DCDC2C: variants seen among roughly 807,000 people sequenced by gnomAD.
DCDC2C encodes doublecortin domain containing 2C.
A neutral mutation model predicts 45.0 loss-of-function variants in DCDC2C; 44 were observed. That is an observed-to-expected ratio of 0.98 (90% CI 0.77 to 1.26). The LOEUF (loss-of-function observed/expected upper bound fraction) is 1.26. DCDC2C is among the 50% of genes most tolerant of loss of function. DCDC2C has a pLI of 0.00. For synonymous variants in DCDC2C, 187 were observed against 178.8 expected, an observed-to-expected ratio of 1.05 and a Z score of -0.37; for missense variants, 447 against 468.9, an observed-to-expected ratio of 0.95 and a Z score of 0.43.
intron 6 of DCDC2C, among the ~76,000 whole-genome samples, chr2:3,756,493 T>A (rs576512002): frequency 6.6e-6 from 1 of 152,300 alleles, no homozygotes; most frequent in Admixed American, 6.5e-5. Flanking sequence ...GCCATTTTAA[T>A]CACTCCCTGC....
intron 10 of DCDC2C, among the ~76,000 whole-genome samples, chr2:3,808,723 C>T (rs1671318988): frequency 6.6e-6 from 1 of 152,202 alleles, no homozygotes; most frequent in African/African-American, 2.4e-5. Flanking sequence ...ATTCTCTTAA[C>T]ATTGTATTTG....
chr2:3,802,254 C>T (rs142348431), intron 10 of DCDC2C, among the ~76,000 whole-genome samples: 239 of 152,344 alleles, frequency 1.6e-3, no homozygotes, highest in Middle Eastern at 3.4e-3. Context: ...TGTCCTTCAA[C>T]GCCTTCTGGC....
chr2:3,847,901 C>G lies in DCDC2C; in HGVS notation c.*718C>G, dbSNP rs1423157324. Among the ~76,000 whole-genome samples the G allele has an allele frequency of 6.6e-6, 1 of 152,116 alleles. No homozygotes were observed. The highest frequency in any genetic ancestry group is 1.5e-5 in the Non-Finnish European group (1 of 68,038). ...CCATGTGAAAAAGATTCTTGCTTCCCCTTCGCCCTTCTGCTATGATTGTAA... is the reference window on the plus strand; with the variant it reads ...CCATGTGAAAAAGATTCTTGCTTCCGCTTCGCCCTTCTGCTATGATTGTAA... On this transcript the variant is annotated 3_prime_UTR_variant, in exon 11 of 11. Coordinates refer to ENST00000399143, the MANE Select transcript of DCDC2C (RefSeq NM_001287444.2).
chr2:3,705,098 C>G (rs1053692845), intron 1 of DCDC2C, among the ~76,000 whole-genome samples: 1 of 152,146 alleles, frequency 6.6e-6, no homozygotes, highest in Non-Finnish European at 1.5e-5. Context: ...GCTCTCCGTT[C>G]AAAAATGCTC....
Position 3,703,650 on chromosome 2 carries a change from C to T in DCDC2C, c.-102C>T. 1 of 1,118,630 alleles carries T rather than the reference C, an allele frequency of 8.9e-7. No individual in the cohort carries two copies. Among genetic ancestry groups the T allele is most frequent in the Non-Finnish European group, 1.1e-6 (1 of 891,566 alleles). 69.3% of individuals were successfully genotyped at this position (1,118,630 alleles called of 1,614,324 possible). A position where few individuals can be genotyped will look rare whatever the true frequency, so the allele number is the denominator to read the frequency against. On this transcript the variant is annotated 5_prime_UTR_variant, in exon 1 of 11. Transcript: ENST00000399143. The surrounding 1 kb of genome is among the most constrained non-coding windows in gnomAD (Gnocchi z 4.4). ...GTCCTGCGCCAGCGGCTGGAGCGGA[C>T]CTCCCGTCGGCGGTGCCCGGGCCTG...
intron 10 of DCDC2C, among the ~76,000 whole-genome samples, chr2:3,813,069 T>TA (rs1558238816): frequency 0.036 from 1,949 of 54,360 alleles, 13 homozygotes; most frequent in Middle Eastern, 0.056. Flanking sequence ...ATATATATAT[T>TA]TTTTTTTTTT....
intron 10 of DCDC2C, among the ~76,000 whole-genome samples, chr2:3,810,217 A>G (rs1204877649): frequency 6.6e-6 from 1 of 152,232 alleles, no homozygotes; most frequent in Non-Finnish European, 1.5e-5. Flanking sequence ...CCAACAGTGT[A>G]AAAGCATTCT....
At chr2:3,843,573 G>A (rs1672263509) in intron 10 of DCDC2C, among the ~76,000 whole-genome samples, 1 of 152,212 alleles carries the variant, frequency 6.6e-6, no homozygotes, top group East Asian at 1.9e-4. Flanking sequence ...ATCAGGAAAT[G>A]TAGTTTGGCC....
chr2:3,723,476 C>G (rs1223287051), intron 2 of DCDC2C, among the ~76,000 whole-genome samples: 1 of 152,190 alleles, frequency 6.6e-6, no homozygotes, highest in Non-Finnish European at 1.5e-5. Flanking sequence ...GTTTCAGGAA[C>G]TGCAAGAATG....
At chr2:3,707,531 G>A (rs1010754943) in intron 1 of DCDC2C, among the ~76,000 whole-genome samples, 1 of 152,218 alleles carries the variant, frequency 6.6e-6, no homozygotes, top group African/African-American at 2.4e-5. Context: ...TCAAAGATTT[G>A]AGTTGGCTGC....
At chr2:3,830,735 G>A (rs573657984) in intron 10 of DCDC2C, among the ~76,000 whole-genome samples, 5 of 152,168 alleles carry the variant, frequency 3.3e-5, no homozygotes, top group Non-Finnish European at 7.4e-5. Context: ...CTTGACTCAC[G>A]GTGGGTGGTT....
At chr2:3,745,116 C>CTCCAGAGG (rs1318150105) in intron 4 of DCDC2C, among the ~76,000 whole-genome samples, 50 of 151,598 alleles carry the variant, frequency 3.3e-4, no homozygotes, top group African/African-American at 1.2e-3. Context: ...CTCTGGAGTA[C>CTCCAGAGG]CTAGGATTAC....
chr2:3,711,110 C>T lies in DCDC2C; in HGVS notation c.339+2510C>T, dbSNP rs888852073. Among the ~76,000 whole-genome samples, 5 of 152,300 alleles carry T rather than the reference C, an allele frequency of 3.3e-5. No individual in the cohort carries two copies. The South Asian group carries it at 1.0e-3, about 32-fold the overall frequency. ...TGTTTTTTGACTTTTTCAAAATAGC[C>T]ATTCTGCTATTATTAAAAAGTCAAA... On this transcript the variant is annotated intron_variant, in intron 2 of 10. Transcript: ENST00000399143.
At chr2:3,740,999 A>G (rs778756560) in intron 3 of DCDC2C, among the ~76,000 whole-genome samples, 1 of 152,226 alleles carries the variant, frequency 6.6e-6, no homozygotes, top group African/African-American at 2.4e-5. Flanking sequence ...TAGACTCGAT[A>G]CACCTTGTAT....
intron 1 of DCDC2C, 72 bp downstream of exon 1, chr2:3,704,110 C>G: frequency 8.4e-7 from 1 of 1,191,274 alleles, no homozygotes; most frequent in Non-Finnish European, 1.1e-6. Flanking sequence ...TGGTCAGGGC[C>G]GTGCCCCCCA....
chr2:3,774,400 G>C (rs1291307266), intron 8 of DCDC2C, among the ~76,000 whole-genome samples: 1 of 152,246 alleles, frequency 6.6e-6, no homozygotes, highest in Non-Finnish European at 1.5e-5. Context: ...AGGCTCTGGG[G>C]TTGGCCCCCT....
chr2:3,789,239 A>G (rs993845291), intron 10 of DCDC2C, among the ~76,000 whole-genome samples: 1 of 152,156 alleles, frequency 6.6e-6, no homozygotes, highest in African/African-American at 2.4e-5. Context: ...CAAGAGTGAA[A>G]AACTGCCAAG....
chr2:3,763,903 G>T (rs1452690214), intron 6 of DCDC2C, among the ~76,000 whole-genome samples: 1 of 152,186 alleles, frequency 6.6e-6, no homozygotes, highest in Non-Finnish European at 1.5e-5. Context: ...ATTATTGAGG[G>T]AATGAATGAA....
At position 3,798,245 on chromosome 2, in the gene DCDC2C, G is replaced by A. The variant is rs1319237379; in HGVS notation, c.1065+13145G>A. Among the ~76,000 whole-genome samples the A allele has an allele frequency of 8.6e-5, 13 of 152,016 alleles. No homozygotes were observed. In the East Asian group the frequency reaches 1.4e-3, roughly 16 times the overall value. ...TTGGTAGATCTTCCTCCATCCTTTT[G>A]TTTTGAGCCTATGTGTGTCTCTGCA... On this transcript the variant is annotated intron_variant, in intron 10 of 10. Transcript: ENST00000399143.
Sources: allele counts gnomAD v4.1 joint callset (sites outside exome capture counted in the v4.1 genomes callset), GRCh38; gene constraint gnomAD v4.1.1; non-coding constraint Gnocchi (gnomAD v3.1); transcripts MANE v1.5; gene names NCBI Gene and HGNC (gene_info 2026-07-23, HGNC 2026-07-21).